ANXA6: variants seen among roughly 807,000 people sequenced by gnomAD.
The protein encoded by ANXA6 is 67 kDa calelectrin.
Under a neutral mutation model 95.4 loss-of-function variants are expected in ANXA6, and 71 were observed. The observed-to-expected ratio is 0.74, with a 90% CI of 0.61 to 0.91. The LOEUF (loss-of-function observed/expected upper bound fraction) is 0.91, where lower values mean the gene tolerates loss of function less well. Among genes scored for constraint, ANXA6 ranks in the 40% least tolerant of loss-of-function variants. The pLI, the probability that ANXA6 is intolerant of heterozygous loss-of-function variation, is 0.00. For missense variants in ANXA6, 830 were observed against 876.4 expected, an observed-to-expected ratio of 0.95 and a Z score of 0.67; for synonymous variants, 289 against 315.9, an observed-to-expected ratio of 0.91 and a Z score of 0.90.
chr5:151,133,681 A>G (rs1416847862), intron 8 of ANXA6, among the ~76,000 whole-genome samples: 1 of 152,210 alleles, frequency 6.6e-6, no homozygotes, highest in Non-Finnish European at 1.5e-5. Context: ...TCATTAACCA[A>G]AACACCATTA....
chr5:151,143,024 C>A (rs752062244), intron 2 of ANXA6, among the ~76,000 whole-genome samples: 1 of 152,170 alleles, frequency 6.6e-6, no homozygotes, highest in Non-Finnish European at 1.5e-5. Flanking sequence ...GTCCCTCCCA[C>A]GGCTCACTTG....
intron 17 of ANXA6, among the ~76,000 whole-genome samples, chr5:151,121,722 G>A (rs551971544): frequency 2.0e-5 from 3 of 152,324 alleles, no homozygotes; most frequent in Admixed American, 1.3e-4. Flanking sequence ...GCGGCTCCAT[G>A]AGACCCTTCT....
At chr5:151,141,849 G>C (rs1488773489) in intron 2 of ANXA6, 1 of 361,866 alleles carries the variant, frequency 2.8e-6, no homozygotes, top group Non-Finnish European at 3.8e-6. Flanking sequence ...AAGGAGCTCA[G>C]TGAGCGCAGG....
At chr5:151,149,550 A>G (rs1766057536) in intron 1 of ANXA6, among the ~76,000 whole-genome samples, 1 of 152,058 alleles carries the variant, frequency 6.6e-6, no homozygotes, top group African/African-American at 2.4e-5. Flanking sequence ...GCAGTGGCGC[A>G]ATCTCAGCTC....
chr5:151,115,399 G>A (rs188687935), intron 20 of ANXA6, among the ~76,000 whole-genome samples: 22 of 152,254 alleles, frequency 1.4e-4, no homozygotes, highest in Admixed American at 1.2e-3. Context: ...CAGGGATCTC[G>A]CTCAAGGGTC....
chr5:151,126,926 A>G (rs1765340662), intron 13 of ANXA6, among the ~76,000 whole-genome samples: 1 of 152,220 alleles, frequency 6.6e-6, no homozygotes, highest in South Asian at 2.1e-4. Flanking sequence ...CATGTTGGCC[A>G]GGCTGGTCTT....
chr5:151,126,673 A>G (rs1412018323), intron 13 of ANXA6, among the ~76,000 whole-genome samples, 193 bp from the exon 14 acceptor site: 1 of 151,964 alleles, frequency 6.6e-6, no homozygotes, highest in Non-Finnish European at 1.5e-5. Context: ...TCCATTTCTG[A>G]GAACCTTCCA....
intron 17 of ANXA6, among the ~76,000 whole-genome samples, chr5:151,120,476 G>A (rs1765136902): frequency 6.6e-6 from 1 of 150,752 alleles, no homozygotes; most frequent in African/African-American, 2.4e-5. Flanking sequence ...CAGCACTTTA[G>A]GAAGCTGAAG....
At chr5:151,112,572 C>T (rs1416535715) in intron 20 of ANXA6, among the ~76,000 whole-genome samples, 1 of 152,236 alleles carries the variant, frequency 6.6e-6, no homozygotes, top group African/African-American at 2.4e-5. Flanking sequence ...TAGCTCACAC[C>T]TGTAATCCCA....
intron 20 of ANXA6, among the ~76,000 whole-genome samples, chr5:151,114,613 T>TAAAAAAAAAAAAAAAAAAAAAAA (rs61407672): frequency 1.4e-5 from 1 of 70,298 alleles, no homozygotes; most frequent in Non-Finnish European, 2.6e-5. Context: ...GACTCCGTCT[T>TAAAAAAAAAAAAAAAAAAAAAAA]AAAAAAAAAA....
chr5:151,144,946 C>T (rs987019326), intron 2 of ANXA6, among the ~76,000 whole-genome samples: 3 of 152,084 alleles, frequency 2.0e-5, no homozygotes, highest in East Asian at 3.9e-4. Context: ...GGCTTCCCAC[C>T]GTGTCATTCT....
At position 151,101,433 on chromosome 5, in the gene ANXA6, G is replaced by A. The variant is rs200996612; in HGVS notation, c.*15C>T. The A allele has an allele frequency of 7.7e-5, 120 of 1,549,806 alleles. No homozygotes were observed. Among genetic ancestry groups the A allele is most frequent in the Admixed American group, 7.7e-4 (39 of 50,740 alleles). On this transcript the variant is annotated 3_prime_UTR_variant, in exon 26 of 26. Transcript: ENST00000354546. The stretch of plus-strand genomic sequence containing the variant: ...TAACCATTTCTTGGCAGAAGTGCCC[G>A]CCAAAGCTGTGGCCCTAGTCCTCAC...
At chr5:151,145,201 G>A (rs1462889438) in intron 2 of ANXA6, among the ~76,000 whole-genome samples, 1 of 152,202 alleles carries the variant, frequency 6.6e-6, no homozygotes, top group African/African-American at 2.4e-5. Flanking sequence ...CCCCACCCAG[G>A]CTGCTGCTGG....
chr5:151,147,847 G>C, intron 2 of ANXA6, 37 bp downstream of exon 2: 2 of 1,585,024 alleles, frequency 1.3e-6, no homozygotes, highest in Non-Finnish European at 1.7e-6. Context: ...GCCCAGAGAA[G>C]GCTGAGTACC....
chr5:151,147,870 G>A lies in ANXA6; in HGVS notation c.18+14C>T, dbSNP rs1186210477. 6.3e-7 allele frequency: 1 copy of A among 1,598,138 alleles called. No homozygotes were observed. Among genetic ancestry groups the A allele is most frequent in the Non-Finnish European group, 8.5e-7 (1 of 1,172,244 alleles). ...AAGGCTGAGTACCACCTTCAGGAAA[G>A]AGAGGCCCCTTACCTGTGCTGGTTT... On this transcript the variant is annotated intron_variant, in intron 2 of 25. Transcript: ENST00000354546.
chr5:151,102,869 G>A (rs1035317983), intron 25 of ANXA6, among the ~76,000 whole-genome samples: 2 of 152,226 alleles, frequency 1.3e-5, no homozygotes, highest in African/African-American at 4.8e-5. Context: ...AGAGCTTAGT[G>A]GGATGATAGA....
At chr5:151,128,318 C>A in intron 12 of ANXA6, 79 bp from the exon 13 acceptor site, 2 of 1,256,584 alleles carry the variant, frequency 1.6e-6, no homozygotes, top group East Asian at 2.5e-5. Flanking sequence ...TTCTGCACAG[C>A]CTGAAAGAGG....
Position 151,133,200 on chromosome 5 carries a change from A to C in ANXA6, c.547-13T>G. On this transcript the variant is annotated splice_polypyrimidine_tract_variant and intron_variant, in intron 8 of 25. Coordinates refer to ENST00000354546, the MANE Select transcript of ANXA6 (RefSeq NM_001155.5). ...CCTCGTATAGGTCCTGAAGGGGAAG[A>C]GGTGGCACTTGACTGAAAGAGGAAA... 1 of 1,557,960 alleles carries C rather than the reference A, an allele frequency of 6.4e-7. No individual in the cohort carries two copies. The highest frequency in any genetic ancestry group is 1.7e-4 in the Middle Eastern group (1 of 5,986).
At chr5:151,140,269 G>A (rs1238949188) in intron 2 of ANXA6, 26 bp from the exon 3 acceptor site, 5 of 1,604,640 alleles carry the variant, frequency 3.1e-6, no homozygotes, top group Non-Finnish European at 4.3e-6. Context: ...TAGAGGGTGA[G>A]CTGCCAACCC....
Sources: gnomAD v4.1 joint callset for allele counts (sites outside exome capture counted in the v4.1 genomes callset) on GRCh38, gnomAD v4.1.1 for gene constraint, MANE v1.5 for transcripts, NCBI Gene and HGNC (gene_info 2026-07-23, HGNC 2026-07-21) for gene names.